Variants in CSMD1 observed in about 807,000 individuals in gnomAD.
CSMD1 encodes CUB and sushi domain-containing protein 1.
Under a neutral mutation model 417.5 loss-of-function variants are expected in CSMD1, and 213 were observed. That is an observed-to-expected ratio of 0.51 (90% CI 0.46 to 0.57). The LOEUF (loss-of-function observed/expected upper bound fraction) is 0.57. Ranked by LOEUF, CSMD1 falls within the 20% of genes least tolerant of loss-of-function variation. The pLI is 0.00. For missense variants in CSMD1, 6,923 were observed against 4,529.7 expected (o/e 1.53, Z -15.17); for synonymous variants, 2,862 against 1,736.8 (o/e 1.65, Z -16.11).
In CSMD1 at chr8:4,569,733, T is replaced by C. The variant is rs562547097; in HGVS notation, c.302+67609A>G. Among the ~76,000 whole-genome samples the C allele has an allele frequency of 4.6e-5, 7 of 152,328 alleles. No individual in the cohort carries two copies. In the East Asian group the frequency reaches 1.4e-3, roughly 29 times the overall value. ...TGAATCTATATATTACTTTGGGCAG[T>C]ATGGCCATTTTCACAATATTGATTC... On this transcript the variant is annotated intron_variant, in intron 2 of 69. Transcript: ENST00000635120.
chr8:4,356,320 C>T (rs1584949438), intron 3 of CSMD1, among the ~76,000 whole-genome samples: 2 of 117,902 alleles, frequency 1.7e-5, no homozygotes, highest in East Asian at 3.0e-4. Flanking sequence ...TAGTATTCAT[C>T]ATATGTAATA....
At position 4,195,734 on chromosome 8, in the gene CSMD1, G is replaced by T. The variant is rs569641102; in HGVS notation, c.416-163635C>A. On this transcript the variant is annotated intron_variant, in intron 3 of 69. Coordinates refer to ENST00000635120, the MANE Select transcript of CSMD1 (RefSeq NM_033225.6). ...GGAAATGGCCCCCAGACAGCAAAAC[G>T]TCGGGGCTCTCCGTGCTCATGCCAG... Among the ~76,000 whole-genome samples, 13 of 152,258 alleles carry T rather than the reference G, an allele frequency of 8.5e-5. No individual in the cohort carries two copies. In the South Asian group the frequency reaches 2.5e-3, roughly 29 times the overall value.
At position 3,176,838 on chromosome 8, in the gene CSMD1, G is replaced by A. The variant is rs548741517; in HGVS notation, c.5725+4272C>T. Among the ~76,000 whole-genome samples the A allele has an allele frequency of 7.3e-5, 11 of 151,320 alleles. No homozygotes were observed. The South Asian group carries it at 1.0e-3, about 14-fold the overall frequency. On this transcript the variant is annotated intron_variant, in intron 37 of 69. Transcript: ENST00000635120. Reference sequence around the variant, plus strand: ...CTGTCTCCCAGGCTAAAGTGCAGTGGTGCAATCATGGCTGTCTGTAGCCTC... The same window carrying A: ...CTGTCTCCCAGGCTAAAGTGCAGTGATGCAATCATGGCTGTCTGTAGCCTC...
chr8:4,135,993 A>T (rs2130997282), intron 3 of CSMD1, among the ~76,000 whole-genome samples: 1 of 152,310 alleles, frequency 6.6e-6, no homozygotes, highest in South Asian at 2.1e-4. Context: ...CATTTTCATC[A>T]CAAATTGAAT....
chr8:3,653,254 T>C (rs1797948515), intron 7 of CSMD1, among the ~76,000 whole-genome samples: 1 of 152,120 alleles, frequency 6.6e-6, no homozygotes, highest in African/African-American at 2.4e-5. Flanking sequence ...AAATATCAAA[T>C]AGATAAGTTA....
At chr8:4,286,690 G>A (rs1168031826) in intron 3 of CSMD1, among the ~76,000 whole-genome samples, 1 of 152,130 alleles carries the variant, frequency 6.6e-6, no homozygotes, top group Non-Finnish European at 1.5e-5. Flanking sequence ...GGCCACAGTG[G>A]AAATCAAACA....
chr8:3,110,235 C>T lies in CSMD1; in HGVS notation c.6531G>A (p.Thr2177=), dbSNP rs898513. The change falls in exon 43 of 70, where the codon ACG becomes ACA. Residue 2177 remains threonine (T), a synonymous_variant. Transcript: ENST00000635120. The stretch of plus-strand genomic sequence containing the variant: ...TGTAAACTCCGTGCCCTGGAGGCAC[C>T]GTGATGAGCCAAATGCAGTCCTTCA... The part of the protein sequence containing the change: ...PILKDCIWLI[T]VPPGHGVYIN... 5.6e-3 allele frequency: 8,984 copies of T among 1,612,982 alleles called. 399 individuals carry two copies. In the African/African-American group the frequency reaches 0.1, roughly 18 times the overall value.
At chr8:4,057,283 G>C (rs1231474579) in intron 3 of CSMD1, among the ~76,000 whole-genome samples, 1 of 152,214 alleles carries the variant, frequency 6.6e-6, no homozygotes, top group African/African-American at 2.4e-5. Flanking sequence ...CTGATGGCCA[G>C]TGATGGTGAG....
At position 4,171,491 on chromosome 8, in the gene CSMD1, A is replaced by C. The variant is rs189955963; in HGVS notation, c.416-139392T>G. On this transcript the variant is annotated intron_variant, in intron 3 of 69. Transcript: ENST00000635120. ...AAGAAATACATAAGAACAGATGCAT[A>C]TGTGATCAATCTTTGTACTCTACAG... Among the ~76,000 whole-genome samples, 389 of 152,022 alleles carry C rather than the reference A, an allele frequency of 2.6e-3. 7 individuals carry two copies. Among genetic ancestry groups the C allele is most frequent in the African/African-American group, 8.9e-3 (369 of 41,280 alleles).
intron 54 of CSMD1, among the ~76,000 whole-genome samples, chr8:2,988,825 A>G (rs1806145569): frequency 6.6e-6 from 1 of 152,206 alleles, no homozygotes; most frequent in Non-Finnish European, 1.5e-5. Flanking sequence ...ATAGAGCTGC[A>G]TCCTGTGAAG....
chr8:4,764,610 A>G (rs1346324562), intron 1 of CSMD1, among the ~76,000 whole-genome samples: 2 of 152,068 alleles, frequency 1.3e-5, no homozygotes, highest in African/African-American at 4.8e-5. Context: ...AAAGAGTGGA[A>G]AGATTTTTGT....
rs149358664 is a variant in CSMD1 at position 3,173,382 on chromosome 8, C to G, written c.5725+7728G>C. Among the ~76,000 whole-genome samples the G allele has an allele frequency of 3.2e-3, 480 of 152,216 alleles. 1 individual carries two copies. The highest frequency in any genetic ancestry group is 0.011 in the African/African-American group (457 of 41,534). ...TTAGATATTTCCATGGTCCTTGGTGCACTTAGAACAGTAGGGATGAGAGAG... is the reference window on the plus strand; with the variant it reads ...TTAGATATTTCCATGGTCCTTGGTGGACTTAGAACAGTAGGGATGAGAGAG... On this transcript the variant is annotated intron_variant, in intron 37 of 69. Coordinates refer to ENST00000635120, the MANE Select transcript of CSMD1 (RefSeq NM_033225.6).
rs567376776 is a variant in CSMD1, at chr8:4,928,981, G to C, written c.85+65351C>G. 2.6e-5 allele frequency among the ~76,000 whole-genome samples: 4 copies of C among 152,130 alleles called. No homozygotes were observed. The East Asian group carries it at 5.8e-4, about 22-fold the overall frequency. On this transcript the variant is annotated intron_variant, in intron 1 of 69. Coordinates refer to ENST00000635120, the MANE Select transcript of CSMD1 (RefSeq NM_033225.6). Reference sequence around the variant, plus strand: ...AGCTACTTGGAAGGCTGAAGCATAAGAGTCACTTGAACCCGGGCGGCAGAG... The same window carrying C: ...AGCTACTTGGAAGGCTGAAGCATAACAGTCACTTGAACCCGGGCGGCAGAG...
chr8:4,647,347 C>T (rs773968523), intron 1 of CSMD1, among the ~76,000 whole-genome samples: 15 of 149,024 alleles, frequency 1.0e-4, no homozygotes, highest in East Asian at 8.0e-4. Flanking sequence ...TACGTAGGTA[C>T]GCGTGTGCCA....
intron 1 of CSMD1, among the ~76,000 whole-genome samples, chr8:4,818,670 G>A (rs1799346742): frequency 6.6e-6 from 1 of 152,138 alleles, no homozygotes; most frequent in African/African-American, 2.4e-5. Context: ...GCAAAGGTAT[G>A]AATAAATTAA....
At chr8:3,285,419 C>G (rs1267579942) in intron 25 of CSMD1, among the ~76,000 whole-genome samples, 5 of 150,450 alleles carry the variant, frequency 3.3e-5, no homozygotes, top group Admixed American at 6.6e-5. Context: ...TGGGATGTCG[C>G]TCCCTCTCCT....
intron 7 of CSMD1, among the ~76,000 whole-genome samples, chr8:3,648,954 T>G (rs1395983923): frequency 6.6e-6 from 1 of 152,140 alleles, no homozygotes; most frequent in Non-Finnish European, 1.5e-5. Context: ...GAACCCGTAA[T>G]GTACCCAGCC....
At position 3,067,500 on chromosome 8, in the gene CSMD1, T is replaced by A. The variant is rs1339828266; in HGVS notation, c.7475-14853A>T. Among the ~76,000 whole-genome samples the A allele has an allele frequency of 2.0e-5, 3 of 152,080 alleles. No individual in the cohort carries two copies. The East Asian group carries it at 5.8e-4, about 29-fold the overall frequency. On this transcript the variant is annotated intron_variant, in intron 49 of 69. Transcript: ENST00000635120. ...GATTTTCTCCAGGTCCACACAGACA[T>A]TTAACAGTAAACTGAGAATCAGAAT...
At chr8:4,298,493 T>C (rs541192930) in intron 3 of CSMD1, among the ~76,000 whole-genome samples, 25 of 152,278 alleles carry the variant, frequency 1.6e-4, no homozygotes, top group South Asian at 1.2e-3. Flanking sequence ...ATTTGAGTAA[T>C]GGATACCTTA....
Sources: allele counts gnomAD v4.1 joint callset (sites outside exome capture counted in the v4.1 genomes callset), GRCh38; gene constraint gnomAD v4.1.1; transcripts MANE v1.5; gene names NCBI Gene and HGNC (gene_info 2026-07-23, HGNC 2026-07-21).